JAKMIP1: variants seen among roughly 807,000 people sequenced by gnomAD.
The protein encoded by JAKMIP1 is janus kinase and microtubule interacting protein 1, also known as janus kinase and microtubule-interacting protein 1.
Under a neutral mutation model 113.0 loss-of-function variants are expected in JAKMIP1, and 33 were observed. That is an observed-to-expected ratio of 0.29 (90% CI 0.22 to 0.39). JAKMIP1 has a LOEUF of 0.39. JAKMIP1 is among the 10% of genes least tolerant of loss of function. JAKMIP1 has a pLI of 1.00. For synonymous variants in JAKMIP1, 480 were observed against 459.9 expected (o/e 1.04, Z -0.56); for missense variants, 813 against 1,080.5 (o/e 0.75, Z 3.47).
At chr4:6,096,303 G>A (rs1711759190) in intron 3 of JAKMIP1, among the ~76,000 whole-genome samples, 1 of 152,134 alleles carries the variant, frequency 6.6e-6, no homozygotes, top group Non-Finnish European at 1.5e-5. Context: ...TATTTAATAG[G>A]CATTGCTTTT....
rs1719667938 is a variant in JAKMIP1, at chr4:6,138,984, C to T, written c.-147-25987G>A. On this transcript the variant is annotated intron_variant, in intron 1 of 20. Coordinates refer to ENST00000409021, the MANE Select transcript of JAKMIP1 (RefSeq NM_001099433.2). This position sits in a 1 kb window ranked among gnomAD's most constrained non-coding sequence, Gnocchi z 6.0. ...TTCATCTGGCTGGAATATGTCTCCC[C>T]ACCCCACCCTGTCTGTTCATCCTCC... is the stretch of plus-strand genomic sequence containing the variant. 6.6e-6 allele frequency among the ~76,000 whole-genome samples: 1 copy of T among 152,080 alleles called. No homozygotes were observed. Among genetic ancestry groups the T allele is most frequent in the South Asian group, 2.1e-4 (1 of 4,832 alleles).
In JAKMIP1 at chr4:6,137,681, A is replaced by G. The variant is rs938609182; in HGVS notation, c.-147-24684T>C. Among the ~76,000 whole-genome samples the G allele has an allele frequency of 3.9e-5, 6 of 152,170 alleles. No individual in the cohort carries two copies. Among genetic ancestry groups the G allele is most frequent in the Admixed American group, 3.9e-4 (6 of 15,282 alleles). On this transcript the variant is annotated intron_variant, in intron 1 of 20. Transcript: ENST00000409021. The surrounding 1 kb of genome is among the most constrained non-coding windows in gnomAD (Gnocchi z 4.5). ...TGCGGAGGCTAAAGAGCCACAAACCATATCTCTGAGACTCCCTTGGAGCTA... is the reference window on the plus strand; with the variant it reads ...TGCGGAGGCTAAAGAGCCACAAACCGTATCTCTGAGACTCCCTTGGAGCTA...
At chr4:6,055,085 C>A (rs1004803236) in intron 12 of JAKMIP1, among the ~76,000 whole-genome samples, 2 of 152,158 alleles carry the variant, frequency 1.3e-5, no homozygotes, top group South Asian at 4.1e-4. Context: ...TGGTTAGCAG[C>A]AGATTGGGGG....
intron 3 of JAKMIP1, among the ~76,000 whole-genome samples, chr4:6,092,244 G>A (rs1722156692): frequency 6.6e-6 from 1 of 152,154 alleles, no homozygotes; most frequent in Non-Finnish European, 1.5e-5. Flanking sequence ...CCTGCATGCA[G>A]AGGAGCCCTG....
In JAKMIP1 at chr4:6,097,708, CA is replaced by C. The variant is rs1384709137; in HGVS notation, c.624+7764del. 3.9e-5 allele frequency among the ~76,000 whole-genome samples: 6 copies of C among 152,160 alleles called. No individual in the cohort carries two copies. Among genetic ancestry groups the C allele is most frequent in the African/African-American group, 9.7e-5 (4 of 41,428 alleles). ...TACAGATCACTTCCCCATTTTGCAA[CA>C]AAAAATGCAATAAGAAGCGTTCATT... On this transcript the variant is annotated intron_variant, in intron 3 of 20. Transcript: ENST00000409021. This position sits in a 1 kb window ranked among gnomAD's most constrained non-coding sequence, Gnocchi z 4.3.
In JAKMIP1 at chr4:6,185,262, A is replaced by G. The variant is rs1726514972; in HGVS notation, c.-148+14991T>C. Among the ~76,000 whole-genome samples, 1 of 152,174 alleles carries G rather than the reference A, an allele frequency of 6.6e-6. No individual in the cohort carries two copies. Among genetic ancestry groups the G allele is most frequent in the Non-Finnish European group, 1.5e-5 (1 of 68,010 alleles). ...TCCTATCAGTTCTGTCCCTCTCGAGAACCCTGACTAATACAAGTGGGAACC... is the reference window on the plus strand; with the variant it reads ...TCCTATCAGTTCTGTCCCTCTCGAGGACCCTGACTAATACAAGTGGGAACC... On this transcript the variant is annotated intron_variant, in intron 1 of 20. Transcript: ENST00000409021. The surrounding 1 kb of genome is among the most constrained non-coding windows in gnomAD (Gnocchi z 5.3).
intron 8 of JAKMIP1, among the ~76,000 whole-genome samples, chr4:6,068,411 C>T (rs1718475317): frequency 6.6e-6 from 1 of 152,140 alleles, no homozygotes; most frequent in African/African-American, 2.4e-5. Context: ...AAACCAAACA[C>T]AAAAGGGCAG....
At chr4:6,134,248 G>T (rs1194111724) in intron 1 of JAKMIP1, among the ~76,000 whole-genome samples, 1 of 152,158 alleles carries the variant, frequency 6.6e-6, no homozygotes, top group African/African-American at 2.4e-5. Context: ...CACCATGATT[G>T]TAAGTTTCCT....
rs1722410035 is a variant in JAKMIP1 at position 6,157,631 on chromosome 4, C to T, written c.-148+42622G>A. 6.6e-6 allele frequency among the ~76,000 whole-genome samples: 1 copy of T among 152,176 alleles called. No homozygotes were observed. Among genetic ancestry groups the T allele is most frequent in the Non-Finnish European group, 1.5e-5 (1 of 68,034 alleles). On this transcript the variant is annotated intron_variant, in intron 1 of 20. Transcript: ENST00000409021. This position sits in a 1 kb window ranked among gnomAD's most constrained non-coding sequence, Gnocchi z 4.7. ...AGCTACAATCCCACCAGAATCCCAG[C>T]TCAGCCATCTTCCCCAGCGTAGCCC...
Position 6,089,308 on chromosome 4 carries a change from T to G in JAKMIP1, c.625-3679A>C, listed in dbSNP as rs1721713205. On this transcript the variant is annotated intron_variant, in intron 3 of 20. Transcript: ENST00000409021. The surrounding 1 kb of genome is among the most constrained non-coding windows in gnomAD (Gnocchi z 5.3). ...CAGACACCCATGGCCTAAGCTGGTT[T>G]GATGGAATTTCTGTCACTTGCGACC... is the stretch of plus-strand genomic sequence containing the variant. Among the ~76,000 whole-genome samples, 1 of 152,166 alleles carries G rather than the reference T, an allele frequency of 6.6e-6. No individual in the cohort carries two copies. Among genetic ancestry groups the G allele is most frequent in the South Asian group, 2.1e-4 (1 of 4,828 alleles).
At chr4:6,100,142 C>T (rs931814273) in intron 3 of JAKMIP1, among the ~76,000 whole-genome samples, 6 of 152,172 alleles carry the variant, frequency 3.9e-5, no homozygotes, top group African/African-American at 1.2e-4. Flanking sequence ...TGAACTTCGC[C>T]GATTTTTAGT....
chr4:6,160,513 G>A (rs568249665), intron 1 of JAKMIP1, among the ~76,000 whole-genome samples: 17 of 152,188 alleles, frequency 1.1e-4, no homozygotes, highest in African/African-American at 4.1e-4. Flanking sequence ...CTTCCCTCCC[G>A]CATGCTGCAT....
At chr4:6,075,074 T>C (rs1254150467) in intron 8 of JAKMIP1, among the ~76,000 whole-genome samples, 1 of 151,746 alleles carries the variant, frequency 6.6e-6, no homozygotes, top group Admixed American at 6.6e-5. Context: ...TAGTGAATAA[T>C]GAAAAGGAAA....
At position 6,109,471 on chromosome 4, in the gene JAKMIP1, C is replaced by A. The variant is rs555872557; in HGVS notation, c.129+3251G>T. On this transcript the variant is annotated intron_variant, in intron 2 of 20. Coordinates refer to ENST00000409021, the MANE Select transcript of JAKMIP1 (RefSeq NM_001099433.2). ...TGCCAGAAAGTAAGGAAATGCTCCA[C>A]AAAACCCCCACAAAACTGCCCCTGT... Among the ~76,000 whole-genome samples, 4 of 151,982 alleles carry A rather than the reference C, an allele frequency of 2.6e-5. 1 individual carries two copies. In the South Asian group the frequency reaches 6.3e-4, roughly 24 times the overall value.
rs868024633 is a variant in JAKMIP1 at position 6,034,662 on chromosome 4, T to G, written c.2379+1242A>C. Reference sequence around the variant, plus strand: ...ACTAAGAATACAAAAATTAGCTGGGTGTGGTGGCGGGTGCCTATAATCTCA... The same window carrying G: ...ACTAAGAATACAAAAATTAGCTGGGGGTGGTGGCGGGTGCCTATAATCTCA... On this transcript the variant is annotated intron_variant, in intron 19 of 20. Transcript: ENST00000409021. 3.3e-5 allele frequency among the ~76,000 whole-genome samples: 5 copies of G among 151,960 alleles called. No homozygotes were observed. In the South Asian group the frequency reaches 1.0e-3, roughly 32 times the overall value.
chr4:6,125,904 C>CACACACCATACACACCATGTAGAAAT (rs1286093547), intron 1 of JAKMIP1, among the ~76,000 whole-genome samples: 3 of 105,018 alleles, frequency 2.9e-5, no homozygotes, highest in Non-Finnish European at 5.6e-5. Flanking sequence ...GAAACACACA[C>CACACACCATACACACCATGTAGAAAT]ACACACCATA....
rs772550560 is a variant in JAKMIP1, at chr4:6,049,054, GTCTC to G, written c.1963-136_1963-133del. 7.5e-5 allele frequency: 51 copies of G among 681,594 alleles called. No individual in the cohort carries two copies. Among genetic ancestry groups the G allele is most frequent in the Middle Eastern group, 2.4e-4 (1 of 4,146 alleles). 42.2% of individuals were successfully genotyped at this position (681,594 alleles called of 1,614,324 possible). On this transcript the variant is annotated intron_variant, in intron 15 of 20. Transcript: ENST00000409021. This position sits in a 1 kb window ranked among gnomAD's most constrained non-coding sequence, Gnocchi z 7.0. ...TTATGTTTGTTTGTTTTGAGACGGA[GTCTC>G]TCTCTGTCACCTGGGTTTGAGTGCA...
intron 16 of JAKMIP1, among the ~76,000 whole-genome samples, chr4:6,043,388 C>T (rs905494298): frequency 3.9e-5 from 6 of 152,014 alleles, no homozygotes; most frequent in African/African-American, 4.8e-5. Flanking sequence ...CAGGTCACCC[C>T]GCACTCGTGA....
At chr4:6,174,963 C>T (rs1725165770) in intron 1 of JAKMIP1, among the ~76,000 whole-genome samples, 1 of 152,166 alleles carries the variant, frequency 6.6e-6, no homozygotes, top group Non-Finnish European at 1.5e-5. Context: ...TTGGTGATGG[C>T]CACTGCTTTT....
Sources: allele counts gnomAD v4.1 joint callset (sites outside exome capture counted in the v4.1 genomes callset), GRCh38; gene constraint gnomAD v4.1.1; non-coding constraint Gnocchi (gnomAD v3.1); transcripts MANE v1.5; gene names NCBI Gene and HGNC (gene_info 2026-07-23, HGNC 2026-07-21).